RIN2: variants seen among roughly 807,000 people sequenced by gnomAD.
The protein encoded by RIN2 is Ras and Rab interactor 2, also known as RAB5 interacting protein 2.
In RIN2, 36 loss-of-function variants were observed where a neutral mutation model predicts 78.0. The ratio of observed to expected loss-of-function variants is 0.46; its 90% CI spans 0.35 to 0.61. The LOEUF (loss-of-function observed/expected upper bound fraction) is 0.61. RIN2 is among the 20% of genes least tolerant of loss of function. RIN2 has a pLI of 0.00. For synonymous variants in RIN2, 466 were observed against 466.8 expected, an observed-to-expected ratio of 1.00 and a Z score of 0.02; for missense variants, 1,087 against 1,159.7, an observed-to-expected ratio of 0.94 and a Z score of 0.91.
At chr20:19,993,097 A>G (rs2042845305) in intron 11 of RIN2, among the ~76,000 whole-genome samples, 1 of 152,212 alleles carries the variant, frequency 6.6e-6, no homozygotes, top group Non-Finnish European at 1.5e-5. Flanking sequence ...GGAAATGATT[A>G]GGATGTTTGG....
At chr20:19,838,961 G>A (rs563647181) in intron 2 of RIN2, among the ~76,000 whole-genome samples, 51 of 152,116 alleles carry the variant, frequency 3.4e-4, no homozygotes, top group Non-Finnish European at 6.5e-4. Context: ...GGCCCGGGAG[G>A]CCTCTAGGAT....
At chr20:19,941,140 G>T (rs1378343168) in intron 4 of RIN2, among the ~76,000 whole-genome samples, 1 of 152,190 alleles carries the variant, frequency 6.6e-6, no homozygotes, top group Non-Finnish European at 1.5e-5. Context: ...AAAATTCCTT[G>T]GCCAGCTCTT....
chr20:19,792,699 A>T (rs774100598), intron 1 of RIN2, among the ~76,000 whole-genome samples: 5 of 152,234 alleles, frequency 3.3e-5, no homozygotes, highest in Non-Finnish European at 5.9e-5. Context: ...TGACCAGCAC[A>T]TAGCGTTAAG....
chr20:19,799,555 T>C (rs2035176462), intron 1 of RIN2, 67 bp from the exon 2 acceptor site: 1 of 152,218 alleles, frequency 6.6e-6, no homozygotes, highest in Non-Finnish European at 1.5e-5. Context: ...GCAAGTCCTC[T>C]GTGTGGTTGT....
intron 4 of RIN2, among the ~76,000 whole-genome samples, chr20:19,950,105 C>A (rs1353853111): frequency 6.6e-6 from 1 of 152,180 alleles, no homozygotes; most frequent in East Asian, 1.9e-4. Context: ...GAGAGCCCTG[C>A]CCTTCCAAAG....
chr20:19,823,380 T>G, intron 2 of RIN2: 1 of 605,198 alleles, frequency 1.7e-6, no homozygotes, highest in Non-Finnish European at 2.8e-6. Context: ...TAACATCTGC[T>G]CTGCCTGCTT....
At chr20:19,804,604 AT>A (rs2122739596) in intron 2 of RIN2, among the ~76,000 whole-genome samples, 1 of 152,302 alleles carries the variant, frequency 6.6e-6, no homozygotes, top group East Asian at 1.9e-4. Flanking sequence ...GTTTGCCAGT[AT>A]TTTATTGAGG....
intron 9 of RIN2, among the ~76,000 whole-genome samples, chr20:19,984,831 C>T (rs757815273): frequency 4.6e-5 from 7 of 152,154 alleles, no homozygotes; most frequent in Non-Finnish European, 5.9e-5. Flanking sequence ...GACCAAAACA[C>T]GCCATTATGA....
chr20:19,902,912 T>C (rs2039048582), intron 3 of RIN2, among the ~76,000 whole-genome samples: 1 of 151,954 alleles, frequency 6.6e-6, no homozygotes, highest in Non-Finnish European at 1.5e-5. Context: ...GCTAACGCGG[T>C]GAAACCCCGT....
rs6112628 is a variant in RIN2, at chr20:19,881,151, T to A, written c.-36-8415T>A. 3.6e-3 allele frequency among the ~76,000 whole-genome samples: 541 copies of A among 152,326 alleles called. 2 individuals carry two copies. Among genetic ancestry groups the A allele is most frequent in the African/African-American group, 0.012 (479 of 41,586 alleles). On this transcript the variant is annotated intron_variant, in intron 2 of 12. Coordinates refer to ENST00000255006, the MANE Select transcript of RIN2 (RefSeq NM_018993.4). The stretch of plus-strand genomic sequence containing the variant: ...TGTGGTTTAGAATTAGTGAATTAAA[T>A]ATAGTGGTGACCTGGAATTGGTTCT...
intron 2 of RIN2, among the ~76,000 whole-genome samples, chr20:19,859,801 C>T (rs529061655): frequency 1.3e-3 from 194 of 152,328 alleles, no homozygotes; most frequent in Non-Finnish European, 2.2e-3. Context: ...TCTTTCCCTT[C>T]CTCACCTGCG....
At chr20:19,919,608 C>A (rs2039829762) in intron 3 of RIN2, among the ~76,000 whole-genome samples, 1 of 151,942 alleles carries the variant, frequency 6.6e-6, no homozygotes, top group Non-Finnish European at 1.5e-5. Context: ...GAGTTCAAGA[C>A]CAGCCTGGCC....
At chr20:19,770,982 A>T (rs1200554273) in intron 1 of RIN2, among the ~76,000 whole-genome samples, 3 of 151,798 alleles carry the variant, frequency 2.0e-5, no homozygotes, top group Non-Finnish European at 4.4e-5. Context: ...AGTTCAACTA[A>T]TTTGCTAGAG....
At chr20:19,915,037 G>A (rs925268120) in intron 3 of RIN2, among the ~76,000 whole-genome samples, 3 of 152,118 alleles carry the variant, frequency 2.0e-5, no homozygotes, top group Non-Finnish European at 2.9e-5. Flanking sequence ...AAGGCCCTAC[G>A]GGTAGTGAAG....
intron 2 of RIN2, among the ~76,000 whole-genome samples, chr20:19,877,926 G>A (rs2037906885): frequency 6.6e-6 from 1 of 152,144 alleles, no homozygotes; most frequent in Non-Finnish European, 1.5e-5. Context: ...AGGCTGTGGT[G>A]GGAGTATCAC....
At chr20:19,931,193 A>G (rs531423840) in intron 3 of RIN2, among the ~76,000 whole-genome samples, 1 of 152,378 alleles carries the variant, frequency 6.6e-6, no homozygotes, top group African/African-American at 2.4e-5. Flanking sequence ...GATTAGGATT[A>G]TAACCCCATA....
intron 2 of RIN2, among the ~76,000 whole-genome samples, chr20:19,872,764 A>G (rs1003862193): frequency 4.6e-5 from 7 of 152,216 alleles, no homozygotes; most frequent in African/African-American, 1.7e-4. Flanking sequence ...AAACTACATC[A>G]GAGTGAAATA....
At chr20:19,940,609 C>T (rs1363441099) in intron 4 of RIN2, among the ~76,000 whole-genome samples, 4 of 152,226 alleles carry the variant, frequency 2.6e-5, no homozygotes, top group Non-Finnish European at 5.9e-5. Context: ...GCTTCTTGCT[C>T]CTGGTTTTCT....
intron 4 of RIN2, among the ~76,000 whole-genome samples, chr20:19,953,199 A>T (rs1407728306): frequency 6.6e-6 from 1 of 151,492 alleles, no homozygotes; most frequent in Non-Finnish European, 1.5e-5. Flanking sequence ...AGTACAGTGG[A>T]AGGATCTCGG....
Sources: gnomAD v4.1 joint callset for allele counts (sites outside exome capture counted in the v4.1 genomes callset) on GRCh38, gnomAD v4.1.1 for gene constraint, MANE v1.5 for transcripts, NCBI Gene and HGNC (gene_info 2026-07-23, HGNC 2026-07-21) for gene names.